BMPR1A: variants seen among roughly 807,000 people sequenced by gnomAD.
BMPR1A encodes bone morphogenetic protein receptor type-1A.
BMPR1A carries 7 observed loss-of-function variants against 66.0 expected under a neutral mutation model. That is an observed-to-expected ratio of 0.11 (90% CI 0.06 to 0.20). The LOEUF (loss-of-function observed/expected upper bound fraction) is 0.20. Ranked by LOEUF, BMPR1A falls within the 10% of genes least tolerant of loss-of-function variation. The probability of loss-of-function intolerance (pLI) is 1.00; values close to 1 mark genes in which losing one functional copy is unlikely to be tolerated. For synonymous variants in BMPR1A, 200 were observed against 229.7 expected (o/e 0.87, Z 1.17); for missense variants, 408 against 669.1 (o/e 0.61, Z 4.31).
At chr10:86,931,268 T>A (rs375434553), downstream of BMPR1A, 10,688 of 82,030 alleles carry the variant, frequency 0.13, 1,583 homozygotes, top group African/African-American at 0.35. Flanking sequence ...AAAAAAAATA[T>A]ATATATATAT....
chr10:86,849,347 C>T (rs1205931338), intron 2 of BMPR1A, among the ~76,000 whole-genome samples: 1 of 152,214 alleles, frequency 6.6e-6, no homozygotes, highest in Non-Finnish European at 1.5e-5. Flanking sequence ...TGGAATGCCT[C>T]TCTCACATCC....
chr10:86,772,158 T>A (rs1378540738), intron 1 of BMPR1A, among the ~76,000 whole-genome samples: 1 of 120,832 alleles, frequency 8.3e-6, no homozygotes. Flanking sequence ...TGAGACAGAG[T>A]CTTTCTCTGT....
At chr10:86,889,876 G>A (rs778527831) in intron 3 of BMPR1A, 186 bp from the exon 4 acceptor site, 115 of 661,768 alleles carry the variant, frequency 1.7e-4, no homozygotes, top group Non-Finnish European at 2.5e-4. Flanking sequence ...AATACCTGGT[G>A]CAGTAATTCT....
At chr10:86,892,287 G>A (rs1796664679) in intron 5 of BMPR1A, 58 bp downstream of exon 5, 4 of 1,397,494 alleles carry the variant, frequency 2.9e-6, no homozygotes, top group Admixed American at 3.4e-5. Flanking sequence ...TGAAAGCATC[G>A]ATTTCCCCCA....
At chr10:86,898,702 T>A (rs879840661) in intron 5 of BMPR1A, among the ~76,000 whole-genome samples, 1 of 152,198 alleles carries the variant, frequency 6.6e-6, no homozygotes, top group Non-Finnish European at 1.5e-5. Context: ...ACTTTTCTCT[T>A]CTGCAAGGCC....
upstream of BMPR1A, chr10:86,756,335 G>T (rs1323199867): frequency 6.6e-6 from 1 of 152,090 alleles, no homozygotes; most frequent in Non-Finnish European, 1.5e-5. Context: ...GGGCCCGCGC[G>T]GAGGAGCAGC....
At chr10:86,786,165 C>G (rs1195408578) in intron 1 of BMPR1A, among the ~76,000 whole-genome samples, 2 of 152,136 alleles carry the variant, frequency 1.3e-5, no homozygotes, top group Non-Finnish European at 2.9e-5. Flanking sequence ...GGGCCAAAAC[C>G]TGCACTGTGC....
chr10:86,797,220 A>G (rs181529882), intron 1 of BMPR1A, among the ~76,000 whole-genome samples: 2,049 of 117,564 alleles, frequency 0.017, 31 homozygotes, highest in South Asian at 0.091. Flanking sequence ...GCCTGCCACC[A>G]AGCCCGGCTA....
chr10:86,903,800 G>C (rs1484483018), intron 7 of BMPR1A, among the ~76,000 whole-genome samples: 6 of 151,972 alleles, frequency 3.9e-5, no homozygotes, highest in African/African-American at 1.5e-4. Context: ...GTAGAGACGG[G>C]GTTTCATCGT....
intron 1 of BMPR1A, among the ~76,000 whole-genome samples, chr10:86,825,496 T>A (rs946371304): frequency 7.5e-5 from 11 of 147,578 alleles, no homozygotes; most frequent in East Asian, 2.0e-4. Context: ...TGTGTGTGTG[T>A]GACAGGGTCT....
At chr10:86,879,179 G>C (rs1842956719) in intron 3 of BMPR1A, among the ~76,000 whole-genome samples, 1 of 152,200 alleles carries the variant, frequency 6.6e-6, no homozygotes, top group East Asian at 1.9e-4. Flanking sequence ...TAGCCACAGT[G>C]TCACAGTGTG....
chr10:86,837,649 C>T (rs1417447435), intron 1 of BMPR1A, among the ~76,000 whole-genome samples: 1 of 152,070 alleles, frequency 6.6e-6, no homozygotes, highest in Non-Finnish European at 1.5e-5. Context: ...TTTTGCCTTC[C>T]CTCATTTCTC....
intron 1 of BMPR1A, among the ~76,000 whole-genome samples, chr10:86,766,617 C>CTTTT (rs71019427): frequency 3.0e-5 from 4 of 131,296 alleles, no homozygotes; most frequent in African/African-American, 3.2e-5. Flanking sequence ...TCATATCAGT[C>CTTTT]TTTTTTTTTT....
chr10:86,860,359 G>A (rs1161485514), intron 2 of BMPR1A, among the ~76,000 whole-genome samples: 2 of 152,098 alleles, frequency 1.3e-5, no homozygotes, highest in African/African-American at 2.4e-5. Context: ...TTAACAATAT[G>A]TAAGGCAATG....
chr10:86,902,264 G>GAAAAGAACCATCTATA (rs1233555672), intron 7 of BMPR1A, among the ~76,000 whole-genome samples: 2 of 152,008 alleles, frequency 1.3e-5, no homozygotes, highest in Non-Finnish European at 2.9e-5. Flanking sequence ...TGGGGGGCCT[G>GAAAAGAACCATCTATA]TTTTTCCATT....
At chr10:86,872,241 C>T (rs943978733) in intron 2 of BMPR1A, among the ~76,000 whole-genome samples, 1 of 152,158 alleles carries the variant, frequency 6.6e-6, no homozygotes, top group African/African-American at 2.4e-5. Flanking sequence ...GCCAGGTTGG[C>T]AAGTGTGTTG....
At chr10:86,878,973 TAAAAA>T (rs71477615) in intron 3 of BMPR1A, among the ~76,000 whole-genome samples, 3 of 151,386 alleles carry the variant, frequency 2.0e-5, no homozygotes, top group African/African-American at 7.3e-5. Context: ...TACAAATAAT[TAAAAA>T]AAAATTAAAA....
At chr10:86,772,800 A>G (rs1323986302) in intron 1 of BMPR1A, among the ~76,000 whole-genome samples, 1 of 152,212 alleles carries the variant, frequency 6.6e-6, no homozygotes, top group Non-Finnish European at 1.5e-5. Flanking sequence ...TCTTTTCAAA[A>G]CAAGTCTTTT....
chr10:86,811,629 A>C (rs2132941390), intron 1 of BMPR1A, among the ~76,000 whole-genome samples: 1 of 152,288 alleles, frequency 6.6e-6, no homozygotes, highest in East Asian at 1.9e-4. Context: ...TCTGATGTTC[A>C]AGGGCTTTTG....
Sources: allele counts gnomAD v4.1 joint callset (sites outside exome capture counted in the v4.1 genomes callset), GRCh38; gene constraint gnomAD v4.1.1; transcripts MANE v1.5; gene names NCBI Gene and HGNC (gene_info 2026-07-23, HGNC 2026-07-21).